The following CTNNA2 variants were observed in gnomAD, a reference collection of about 807,000 sequenced individuals.
CTNNA2 encodes the protein catenin alpha 2.
In CTNNA2, 42 loss-of-function variants were observed where a neutral mutation model predicts 101.0. The observed-to-expected ratio is 0.42, with a 90% confidence interval of 0.32 to 0.54. The LOEUF is 0.54. Ranked by LOEUF, CTNNA2 falls within the 20% of genes least tolerant of loss-of-function variation. CTNNA2 has a pLI of 0.14. For synonymous variants in CTNNA2, 450 were observed against 456.4 expected (o/e 0.99, Z 0.18); for missense variants, 871 against 1,223.1 (o/e 0.71, Z 4.29).
At chr2:80,120,382 G>A (rs1420153669) in intron 7 of CTNNA2, among the ~76,000 whole-genome samples, 2 of 152,110 alleles carry the variant, frequency 1.3e-5, no homozygotes, top group East Asian at 3.9e-4. Flanking sequence ...AACTCCTTCG[G>A]GATACCCTGT....
chr2:79,655,943 G>A (rs991111066), intron 2 of CTNNA2, among the ~76,000 whole-genome samples: 2 of 152,112 alleles, frequency 1.3e-5, no homozygotes, highest in Admixed American at 1.3e-4. Flanking sequence ...GGACAGTGAA[G>A]TGGCTAATTC....
chr2:80,081,072 A>G (rs1472292593), intron 7 of CTNNA2, among the ~76,000 whole-genome samples: 1 of 151,730 alleles, frequency 6.6e-6, no homozygotes, highest in Non-Finnish European at 1.5e-5. Context: ...AGCAATAAAA[A>G]CAGTACATTA....
chr2:79,655,554 C>T (rs372293010), intron 2 of CTNNA2, among the ~76,000 whole-genome samples: 10 of 152,116 alleles, frequency 6.6e-5, no homozygotes, highest in African/African-American at 1.2e-4. Flanking sequence ...TTTGGCTGGG[C>T]GTGGTGGCTC....
chr2:79,607,368 A>G (rs1017782986), intron 1 of CTNNA2, among the ~76,000 whole-genome samples: 29 of 152,208 alleles, frequency 1.9e-4, no homozygotes, highest in African/African-American at 7.0e-4. Context: ...CAGCGGGGAC[A>G]TAGAAGACTT....
At chr2:80,036,213 C>T (rs1234052547) in intron 7 of CTNNA2, among the ~76,000 whole-genome samples, 1 of 152,142 alleles carries the variant, frequency 6.6e-6, no homozygotes, top group Non-Finnish European at 1.5e-5. Flanking sequence ...GAAATTAATG[C>T]AGACCCAGAG....
chr2:79,912,210 A>C (rs932742876), intron 7 of CTNNA2, among the ~76,000 whole-genome samples: 1 of 152,252 alleles, frequency 6.6e-6, no homozygotes, highest in African/African-American at 2.4e-5. Flanking sequence ...TCTCCTCATC[A>C]GTCCCAGATG....
Position 80,303,700 on chromosome 2 carries a change from C to T in CTNNA2, c.1057-89511C>T, listed in dbSNP as rs1676606816. On this transcript the variant is annotated intron_variant, in intron 7 of 18. Transcript: ENST00000402739. The surrounding 1 kb of genome is among the most constrained non-coding windows in gnomAD (Gnocchi z 7.7). ...GCCGCCCCTCGCACCGGCACAGCTG[C>T]GGGCACCCGCTGGGGGCGGCGGGCA... is the stretch of plus-strand genomic sequence containing the variant. The T allele has an allele frequency of 6.2e-7, 1 of 1,609,594 alleles. No individual in the cohort carries two copies. Among genetic ancestry groups the T allele is most frequent in the Admixed American group, 1.7e-5 (1 of 59,712 alleles).
chr2:79,731,762 C>A (rs1469601081), intron 2 of CTNNA2, among the ~76,000 whole-genome samples: 1 of 151,842 alleles, frequency 6.6e-6, no homozygotes, highest in East Asian at 1.9e-4. Context: ...ATCTTTAAAG[C>A]ATTTGGCAAT....
intron 7 of CTNNA2, among the ~76,000 whole-genome samples, chr2:80,166,174 G>C (rs1051187305): frequency 6.6e-6 from 1 of 152,128 alleles, no homozygotes. Flanking sequence ...ATCATGTTTT[G>C]TTATTCTTAA....
At chr2:80,342,459 T>C (rs7600620) in intron 7 of CTNNA2, among the ~76,000 whole-genome samples, 15,423 of 152,196 alleles carry the variant, frequency 0.1, 1,775 homozygotes, top group African/African-American at 0.28. Context: ...TAATTGACAG[T>C]GTCGTCAGAT....
intron 4 of CTNNA2, among the ~76,000 whole-genome samples, chr2:79,863,735 G>C (rs1369750769): frequency 1.3e-5 from 2 of 152,208 alleles, no homozygotes; most frequent in Non-Finnish European, 2.9e-5. Context: ...ACTCTAGGGA[G>C]GACCCCACCC....
chr2:80,646,387 T>C (rs948745290), intron 18 of CTNNA2, among the ~76,000 whole-genome samples: 1 of 152,132 alleles, frequency 6.6e-6, no homozygotes, highest in African/African-American at 2.4e-5. Flanking sequence ...GATCAGACTA[T>C]GCTCAAACAT....
intron 1 of CTNNA2, among the ~76,000 whole-genome samples, chr2:79,572,162 G>A (rs1573375427): frequency 1.3e-5 from 2 of 152,210 alleles, no homozygotes; most frequent in South Asian, 2.1e-4. Flanking sequence ...AAAGCAGATG[G>A]TTTTCAAGTA....
intron 2 of CTNNA2, among the ~76,000 whole-genome samples, chr2:79,287,270 C>T (rs1488749656): frequency 2.0e-5 from 3 of 152,202 alleles, no homozygotes; most frequent in Non-Finnish European, 4.4e-5. Context: ...AAGTCATTCT[C>T]CGTCCAGCTT....
intron 3 of CTNNA2, among the ~76,000 whole-genome samples, chr2:79,369,109 C>T (rs930740581): frequency 6.6e-6 from 1 of 152,118 alleles, no homozygotes; most frequent in Non-Finnish European, 1.5e-5. Flanking sequence ...CCCCTGCACA[C>T]CAGGGCACCA....
At chr2:79,220,217 T>G (rs932671151) in intron 2 of CTNNA2, among the ~76,000 whole-genome samples, 1 of 152,074 alleles carries the variant, frequency 6.6e-6, no homozygotes, top group Non-Finnish European at 1.5e-5. Flanking sequence ...TATGTAAATG[T>G]ATATTGAATA....
At chr2:79,525,233 G>A (rs1006630857) in intron 1 of CTNNA2, among the ~76,000 whole-genome samples, 2 of 151,840 alleles carry the variant, frequency 1.3e-5, no homozygotes, top group African/African-American at 2.4e-5. Flanking sequence ...TCTCCAGTTC[G>A]TACCCACATA....
chr2:80,235,237 C>A (rs1338641722), intron 7 of CTNNA2, among the ~76,000 whole-genome samples: 1 of 152,116 alleles, frequency 6.6e-6, no homozygotes. Flanking sequence ...GCTTAACACA[C>A]TTCTTCCCCA....
At chr2:80,645,344 T>C (rs915472076) in intron 18 of CTNNA2, among the ~76,000 whole-genome samples, 4 of 152,104 alleles carry the variant, frequency 2.6e-5, no homozygotes, top group African/African-American at 9.7e-5. Context: ...TCCTTCATTA[T>C]TTACACTTCT....
Sources: gnomAD v4.1 joint callset for allele counts (sites outside exome capture counted in the v4.1 genomes callset) on GRCh38, gnomAD v4.1.1 for gene constraint, Gnocchi (gnomAD v3.1) non-coding constraint, MANE v1.5 for transcripts, NCBI Gene and HGNC (gene_info 2026-07-23, HGNC 2026-07-21) for gene names.